The following RANBP2 variants were observed in gnomAD, a reference collection of about 807,000 sequenced individuals.
RANBP2 encodes the protein E3 SUMO-protein ligase RanBP2.
In RANBP2, 57 loss-of-function variants were observed where a neutral mutation model predicts 303.6. That is an observed-to-expected ratio of 0.19 (90% CI 0.15 to 0.23). The LOEUF (loss-of-function observed/expected upper bound fraction) is 0.23, where lower values mean the gene tolerates loss of function less well. RANBP2 is among the 10% of genes least tolerant of loss of function. The pLI is 1.00. For synonymous variants in RANBP2, 1,167 were observed against 1,301.5 expected (o/e 0.90, Z 2.23); for missense variants, 3,138 against 3,780.8 (o/e 0.83, Z 4.46).
the RANBP2 span, among the ~76,000 whole-genome samples, chr2:108,886,830 A>G: frequency 1.3e-5 from 2 of 152,146 alleles, no homozygotes; most frequent in Non-Finnish European, 1.5e-5. Context: ...GATATTTTCT[A>G]CTATTCATTA....
At chr2:109,124,919 G>C in the RANBP2 span, among the ~76,000 whole-genome samples, 4 of 152,218 alleles carry the variant, frequency 2.6e-5, no homozygotes, top group African/African-American at 9.7e-5. Flanking sequence ...ATATAGAGGG[G>C]CTTTGTTTAT....
At chr2:109,230,827 A>G in the RANBP2 span, among the ~76,000 whole-genome samples, 1 of 152,204 alleles carries the variant, frequency 6.6e-6, no homozygotes, top group Non-Finnish European at 1.5e-5. Flanking sequence ...AAGATAAAAA[A>G]TTCCACTTCA....
At chr2:108,945,532 G>A in the RANBP2 span, among the ~76,000 whole-genome samples, 1 of 152,208 alleles carries the variant, frequency 6.6e-6, no homozygotes. Flanking sequence ...GGATGGATAA[G>A]CTGGGCTTGT....
the RANBP2 span, chr2:108,885,562 A>G: frequency 4.6e-5 from 7 of 152,240 alleles, no homozygotes; most frequent in African/African-American, 1.7e-4. Flanking sequence ...GTACAAATCT[A>G]TGGGATACAT....
chr2:108,860,181 T>C, the RANBP2 span, among the ~76,000 whole-genome samples: 2 of 152,150 alleles, frequency 1.3e-5, no homozygotes, highest in Non-Finnish European at 2.9e-5. Context: ...TACTGATTTT[T>C]GTACGTTGAA....
chr2:108,828,806 A>G, the RANBP2 span, among the ~76,000 whole-genome samples: 3 of 152,022 alleles, frequency 2.0e-5, no homozygotes, highest in African/African-American at 7.2e-5. Flanking sequence ...GTGAAACCCT[A>G]TCTGTACTAA....
the RANBP2 span, among the ~76,000 whole-genome samples, chr2:108,965,188 A>G: frequency 6.6e-6 from 1 of 152,128 alleles, no homozygotes; most frequent in Non-Finnish European, 1.5e-5. Context: ...TTTTAATGAC[A>G]ACAAATGGGC....
At chr2:109,078,100 A>ATATATATATGGCG in the RANBP2 span, among the ~76,000 whole-genome samples, 2,231 of 69,966 alleles carry the variant, frequency 0.032, 224 homozygotes, top group Non-Finnish European at 0.04. Context: ...ATATATATAT[A>ATATATATATGGCG]TATATATATA....
At chr2:109,445,027 A>G in the RANBP2 span, among the ~76,000 whole-genome samples, 1 of 152,250 alleles carries the variant, frequency 6.6e-6, no homozygotes, top group Admixed American at 6.5e-5. Context: ...GAAATTTTGG[A>G]GAGGAAAAAT....
At chr2:108,853,592 G>C in the RANBP2 span, among the ~76,000 whole-genome samples, 4 of 149,990 alleles carry the variant, frequency 2.7e-5, no homozygotes, top group East Asian at 7.8e-4. Context: ...AGTGGTGCAA[G>C]CATAACTTAC....
the RANBP2 span, among the ~76,000 whole-genome samples, chr2:108,881,294 G>A: frequency 1.3e-5 from 2 of 152,188 alleles, no homozygotes; most frequent in Admixed American, 1.3e-4. Context: ...ACCAACCTCT[G>A]CTAGCTTCAA....
chr2:108,877,723 A>G, the RANBP2 span, among the ~76,000 whole-genome samples: 1 of 152,326 alleles, frequency 6.6e-6, no homozygotes, highest in Admixed American at 6.5e-5. Context: ...ATTCAGAAAT[A>G]TAGTTGAATA....
chr2:109,694,551 A>T, the RANBP2 span, among the ~76,000 whole-genome samples: 1 of 151,996 alleles, frequency 6.6e-6, no homozygotes, highest in South Asian at 2.1e-4. Flanking sequence ...ATATTCCAAA[A>T]TCCCAAAACA....
the RANBP2 span, among the ~76,000 whole-genome samples, chr2:109,135,290 G>A: frequency 2.6e-5 from 4 of 152,186 alleles, no homozygotes; most frequent in African/African-American, 7.2e-5. Flanking sequence ...CTCCTGAGGC[G>A]GTGGCCTGCC....
At chr2:109,260,062 T>C in the RANBP2 span, among the ~76,000 whole-genome samples, 1 of 152,232 alleles carries the variant, frequency 6.6e-6, no homozygotes, top group African/African-American at 2.4e-5. Flanking sequence ...TTGTGATGTT[T>C]ATCTCAACCC....
At chr2:109,287,076 T>C in the RANBP2 span, among the ~76,000 whole-genome samples, 1 of 152,190 alleles carries the variant, frequency 6.6e-6, no homozygotes, top group African/African-American at 2.4e-5. Flanking sequence ...TTGCTCTCCA[T>C]GTTTCTGTGA....
chr2:109,353,227 C>T, the RANBP2 span, among the ~76,000 whole-genome samples: 1 of 152,230 alleles, frequency 6.6e-6, no homozygotes, highest in African/African-American at 2.4e-5. Flanking sequence ...GCCTGCCCAG[C>T]TGCACTGGCC....
the RANBP2 span, among the ~76,000 whole-genome samples, chr2:109,138,729 G>A: frequency 6.6e-6 from 1 of 152,218 alleles, no homozygotes; most frequent in Non-Finnish European, 1.5e-5. Flanking sequence ...CCCAGGTGCT[G>A]GGGCTGTGGA....
chr2:109,024,046 C>T, the RANBP2 span, among the ~76,000 whole-genome samples: 5 of 152,164 alleles, frequency 3.3e-5, no homozygotes, highest in African/African-American at 1.2e-4. Flanking sequence ...CTGCCTCAGC[C>T]TCCTGAGGAG....
Sources: allele counts gnomAD v4.1 joint callset (sites outside exome capture counted in the v4.1 genomes callset), GRCh38; gene constraint gnomAD v4.1.1; transcripts MANE v1.5; gene names NCBI Gene and HGNC (gene_info 2026-07-23, HGNC 2026-07-21).